TENM2: variants seen among roughly 807,000 people sequenced by gnomAD.
The protein encoded by TENM2 is teneurin-2.
TENM2 carries 52 observed loss-of-function variants against 245.2 expected under a neutral mutation model. That is an observed-to-expected ratio of 0.21 (90% CI 0.17 to 0.27). The LOEUF (loss-of-function observed/expected upper bound fraction) is 0.27. TENM2 is among the 10% of genes least tolerant of loss of function. The pLI, the probability that TENM2 is intolerant of heterozygous loss-of-function variation, is 1.00. For synonymous variants in TENM2, 1,363 were observed against 1,438.9 expected, an observed-to-expected ratio of 0.95 and a Z score of 1.19; for missense variants, 3,046 against 3,666.8, an observed-to-expected ratio of 0.83 and a Z score of 4.37.
At chr5:168,082,489 C>T (rs773430116) in intron 7 of TENM2, among the ~76,000 whole-genome samples, 7 of 152,200 alleles carry the variant, frequency 4.6e-5, no homozygotes, top group Non-Finnish European at 7.3e-5. Context: ...CAAGGAGCTG[C>T]GTTCCTTTGG....
chr5:167,238,694 C>CAAAA, the TENM2 span, among the ~76,000 whole-genome samples: 1 of 58,084 alleles, frequency 1.7e-5, no homozygotes, highest in Admixed American at 1.8e-4. Context: ...ACAGGAGATG[C>CAAAA]AAAAAAAAAA....
At chr5:167,434,723 C>T (rs551102080) in intron 2 of TENM2, among the ~76,000 whole-genome samples, 3 of 152,096 alleles carry the variant, frequency 2.0e-5, no homozygotes, top group African/African-American at 7.2e-5. Flanking sequence ...TATGACAGGA[C>T]ATTAAATTCA....
At chr5:168,049,578 C>G (rs1000668941) in intron 6 of TENM2, among the ~76,000 whole-genome samples, 1 of 152,124 alleles carries the variant, frequency 6.6e-6, no homozygotes, top group African/African-American at 2.4e-5. Context: ...TGCTCCCCAC[C>G]AGCTTTTGCA....
chr5:167,983,206 C>G (rs1384442723), intron 4 of TENM2, among the ~76,000 whole-genome samples: 1 of 151,814 alleles, frequency 6.6e-6, no homozygotes, highest in Non-Finnish European at 1.5e-5. Flanking sequence ...GACTCTTCAT[C>G]TCATCCAAAG....
At chr5:167,776,611 A>C (rs1206162707) in intron 2 of TENM2, among the ~76,000 whole-genome samples, 4 of 99,254 alleles carry the variant, frequency 4.0e-5, no homozygotes, top group Admixed American at 1.3e-4. Flanking sequence ...AAAAAAAAAA[A>C]AAAAAAAAAA....
At chr5:168,190,252 T>C (rs1760831809) in intron 13 of TENM2, 85 bp from the exon 16 acceptor site, 1 of 1,044,930 alleles carries the variant, frequency 9.6e-7, no homozygotes, top group Non-Finnish European at 1.4e-6. Flanking sequence ...TGCTCATGCC[T>C]GTGCTGGTAA....
intron 19 of TENM2, among the ~76,000 whole-genome samples, chr5:168,204,839 A>C (rs1762226656): frequency 6.6e-6 from 1 of 152,260 alleles, no homozygotes; most frequent in Non-Finnish European, 1.5e-5. Flanking sequence ...CAACTGACTT[A>C]CAGACAAGGC....
chr5:167,690,184 G>A (rs181646385), intron 2 of TENM2, among the ~76,000 whole-genome samples: 1 of 140,926 alleles, frequency 7.1e-6, no homozygotes, highest in Admixed American at 7.5e-5. Context: ...AATTAATGCT[G>A]TATATGATCA....
At chr5:168,249,509 G>A (rs547277664) in intron 27 of TENM2, among the ~76,000 whole-genome samples, 1 of 149,974 alleles carries the variant, frequency 6.7e-6, no homozygotes, top group Non-Finnish European at 1.5e-5. Context: ...TTCAAGATTG[G>A]CATAATACAG....
chr5:168,126,857 C>A (rs1174973827), exon 12 of TENM2: 1 of 1,609,854 alleles, frequency 6.2e-7, no homozygotes. Flanking sequence ...GCGTGTGCCA[C>A]CCCCGCTGCA....
chr5:167,318,950 T>C (rs897144175), intron 1 of TENM2, among the ~76,000 whole-genome samples: 1 of 152,228 alleles, frequency 6.6e-6, no homozygotes, highest in African/African-American at 2.4e-5. Context: ...AGGAGAGCAG[T>C]TGGAATAATA....
chr5:167,300,403 G>C (rs1255003444), intron 1 of TENM2, among the ~76,000 whole-genome samples: 1 of 152,180 alleles, frequency 6.6e-6, no homozygotes, highest in Non-Finnish European at 1.5e-5. Context: ...ATGCGTTGTA[G>C]AGGGAGGTAT....
intron 2 of TENM2, among the ~76,000 whole-genome samples, chr5:167,412,127 A>G (rs1762941976): frequency 6.6e-6 from 1 of 152,150 alleles, no homozygotes; most frequent in Admixed American, 6.6e-5. Context: ...GCAGACCACC[A>G]GGATCCCTCT....
At chr5:167,929,085 GAAA>G (rs1778044135) in intron 3 of TENM2, among the ~76,000 whole-genome samples, 3 of 77,112 alleles carry the variant, frequency 3.9e-5, no homozygotes, top group Non-Finnish European at 5.0e-5. Flanking sequence ...AAGAAAGAAA[GAAA>G]GAAAGAAAGA....
chr5:168,133,069 C>T (rs1754730803), intron 12 of TENM2, among the ~76,000 whole-genome samples: 1 of 152,200 alleles, frequency 6.6e-6, no homozygotes, highest in Non-Finnish European at 1.5e-5. Context: ...CCAAGCCTTC[C>T]CGACCTCAAT....
chr5:168,216,865 C>T (rs374147925), exon 22 of TENM2: 29 of 1,613,902 alleles, frequency 1.8e-5, no homozygotes, highest in Middle Eastern at 1.6e-4. Context: ...TGCTGGGCTC[C>T]AATGACCTCA....
intron 3 of TENM2, among the ~76,000 whole-genome samples, chr5:167,929,765 A>G (rs564424644): frequency 6.6e-6 from 1 of 152,308 alleles, no homozygotes; most frequent in South Asian, 2.1e-4. Flanking sequence ...GAATTGCTAC[A>G]TGGGAGAGTG....
At chr5:167,370,201 G>T (rs1052182446) in intron 1 of TENM2, among the ~76,000 whole-genome samples, 2 of 152,014 alleles carry the variant, frequency 1.3e-5, no homozygotes, top group Admixed American at 6.5e-5. Flanking sequence ...AATTAGCTGG[G>T]TGTAGTGGCG....
At chr5:168,245,851 G>A (rs1364153948) in intron 26 of TENM2, among the ~76,000 whole-genome samples, 5 of 152,116 alleles carry the variant, frequency 3.3e-5, no homozygotes, top group Admixed American at 1.3e-4. Flanking sequence ...AGGGGAGCAG[G>A]AACCTCCCAA....
Sources: allele counts gnomAD v4.1 joint callset (sites outside exome capture counted in the v4.1 genomes callset), GRCh38; gene constraint gnomAD v4.1.1; transcripts MANE v1.5; gene names NCBI Gene and HGNC (gene_info 2026-07-23, HGNC 2026-07-21).